PCDHA2: variants seen among roughly 807,000 people sequenced by gnomAD.
The protein encoded by PCDHA2 is protocadherin alpha-2.
Under a neutral mutation model 66.0 loss-of-function variants are expected in PCDHA2, and 58 were observed. That is an observed-to-expected ratio of 0.88 (90% CI 0.71 to 1.09). The LOEUF (loss-of-function observed/expected upper bound fraction) is 1.09, where lower values mean the gene tolerates loss of function less well. Among genes scored for constraint, PCDHA2 ranks in the 50% least tolerant of loss-of-function variants. The pLI is 0.00. For synonymous variants in PCDHA2, 634 were observed against 554.0 expected (o/e 1.14, Z -2.03); for missense variants, 1,267 against 1,242.3 (o/e 1.02, Z -0.30).
chr5:140,856,611 A>T (rs782801357), intron 1 of PCDHA2: 2 of 1,598,100 alleles, frequency 1.3e-6, no homozygotes, highest in Non-Finnish European at 1.7e-6. Context: ...AAAGACAAAG[A>T]CAAATTCCCA....
intron 1 of PCDHA2, chr5:140,842,893 C>T: frequency 6.3e-7 from 1 of 1,594,312 alleles, no homozygotes; most frequent in Non-Finnish European, 8.6e-7. Context: ...AGCCGCTGGA[C>T]CACGAGGAGC....
chr5:140,965,648 GA>G (rs2095919572), intron 1 of PCDHA2, among the ~76,000 whole-genome samples: 1 of 152,128 alleles, frequency 6.6e-6, no homozygotes, highest in Non-Finnish European at 1.5e-5. Context: ...ACTCTTGAAA[GA>G]AAATGTCTTG....
intron 1 of PCDHA2, chr5:140,857,917 G>A: frequency 6.3e-7 from 1 of 1,597,868 alleles, no homozygotes; most frequent in South Asian, 1.1e-5. Context: ...CGTTTCGCGT[G>A]GGGCTGTACA....
Position 140,884,327 on chromosome 5 carries a change from G to T in PCDHA2, c.2388+86975G>T, listed in dbSNP as rs1400364790. The T allele has an allele frequency of 5.6e-6, 9 of 1,613,894 alleles. No individual in the cohort carries two copies. In the African/African-American group the frequency reaches 9.3e-5, roughly 17 times the overall value. Reference sequence around the variant, plus strand: ...TTCGTCGAGGGCGTCGGCAGGCGCTGTGGGTCCAGAAGCGGCGCTGGTGGA... The same window carrying T: ...TTCGTCGAGGGCGTCGGCAGGCGCTTTGGGTCCAGAAGCGGCGCTGGTGGA... On this transcript the variant is annotated intron_variant, in intron 1 of 3. Coordinates refer to ENST00000526136, the MANE Select transcript of PCDHA2 (RefSeq NM_018905.3).
chr5:140,875,356 G>C (rs2055432006), intron 1 of PCDHA2: 5 of 1,446,352 alleles, frequency 3.5e-6, no homozygotes, highest in Admixed American at 5.7e-5. Context: ...TGACTGTGAT[G>C]CTGGAAAAAA....
intron 1 of PCDHA2, among the ~76,000 whole-genome samples, chr5:140,935,606 T>C (rs531169810): frequency 6.6e-6 from 1 of 152,352 alleles, no homozygotes; most frequent in East Asian, 1.9e-4. Flanking sequence ...GAGCTAGGCT[T>C]TTTTCAAGTC....
chr5:140,823,864 G>A (rs1317473064), intron 1 of PCDHA2: 3 of 1,613,884 alleles, frequency 1.9e-6, no homozygotes, highest in African/African-American at 1.3e-5. Flanking sequence ...GGATGTCAAC[G>A]TGTACCTGAT....
intron 1 of PCDHA2, among the ~76,000 whole-genome samples, chr5:140,976,227 T>C (rs2096706900): frequency 6.6e-6 from 1 of 152,050 alleles, no homozygotes; most frequent in East Asian, 1.9e-4. Context: ...AGAAGAAAAA[T>C]ATATGTCATT....
chr5:140,869,274 G>A, intron 1 of PCDHA2: 1 of 1,613,594 alleles, frequency 6.2e-7, no homozygotes. Context: ...TGGAGCTGGC[G>A]GAGCTGGTGC....
At chr5:140,821,837 C>T (rs1554128249) in intron 1 of PCDHA2, 3 of 1,614,154 alleles carry the variant, frequency 1.9e-6, no homozygotes, top group Non-Finnish European at 2.5e-6. Flanking sequence ...CTTCTCCTTG[C>T]CTACTGGAAG....
intron 2 of PCDHA2, chr5:140,982,229 A>C (rs2096972091): frequency 3.2e-6 from 2 of 616,470 alleles, no homozygotes. Context: ...TTAATAAAAA[A>C]CAGAATTGCC....
chr5:140,823,039 C>T lies in PCDHA2; in HGVS notation c.2388+25687C>T, dbSNP rs2150121601. On this transcript the variant is annotated intron_variant, in intron 1 of 3. Coordinates refer to ENST00000526136, the MANE Select transcript of PCDHA2 (RefSeq NM_018905.3). ...CCGCGAGAGCGTGTCGGTCTATGAGCTGGTGGTGACCGCGCGGGACGGGGG... is the reference window on the plus strand; with the variant it reads ...CCGCGAGAGCGTGTCGGTCTATGAGTTGGTGGTGACCGCGCGGGACGGGGG... 14 of 1,614,092 alleles carry T rather than the reference C, an allele frequency of 8.7e-6. 1 individual carries two copies. The South Asian group carries it at 1.1e-4, about 13-fold the overall frequency.
At chr5:140,939,712 C>T (rs1019626550) in intron 1 of PCDHA2, among the ~76,000 whole-genome samples, 2 of 152,256 alleles carry the variant, frequency 1.3e-5, no homozygotes, top group East Asian at 1.9e-4. Context: ...TTGTGAGATA[C>T]ATTTATATTG....
In PCDHA2 at chr5:140,967,001, A is replaced by T. The variant is rs1048933252; in HGVS notation, c.2389-11948A>T. The T allele has an allele frequency of 3.1e-6, 5 of 1,605,060 alleles. No homozygotes were observed. The South Asian group carries it at 5.5e-5, about 18-fold the overall frequency. The stretch of plus-strand genomic sequence containing the variant: ...GCGCTTGGGGCCGGGTTGCTTGCGC[A>T]TCAACCATCTGGGTGCGCCCAGTCC... On this transcript the variant is annotated intron_variant, in intron 1 of 3. Transcript: ENST00000526136.
chr5:140,877,331 T>A (rs2057038565), intron 1 of PCDHA2: 15 of 1,613,962 alleles, frequency 9.3e-6, no homozygotes, highest in Non-Finnish European at 1.3e-5. Context: ...GGCGCGCACA[T>A]CCCGTTCCAC....
chr5:140,927,637 G>A lies in PCDHA2; in HGVS notation c.2389-51312G>A, dbSNP rs1554204838. Reference sequence around the variant, plus strand: ...CAAGGTTCCAGAGACTGCACCCAATGGGACTGTGTTATTCCGAGTTCAAGC... The same window carrying A: ...CAAGGTTCCAGAGACTGCACCCAATAGGACTGTGTTATTCCGAGTTCAAGC... On this transcript the variant is annotated intron_variant, in intron 1 of 3. Coordinates refer to ENST00000526136, the MANE Select transcript of PCDHA2 (RefSeq NM_018905.3). 3.7e-6 allele frequency: 6 copies of A among 1,614,176 alleles called. 1 individual carries two copies. In the Middle Eastern group the frequency reaches 9.9e-4, roughly 266 times the overall value.
At chr5:140,833,562 T>A (rs1298635340) in intron 1 of PCDHA2, among the ~76,000 whole-genome samples, 1 of 152,132 alleles carries the variant, frequency 6.6e-6, no homozygotes, top group African/African-American at 2.4e-5. Context: ...GAAACAAATA[T>A]AAAATGATGA....
intron 1 of PCDHA2, among the ~76,000 whole-genome samples, chr5:140,885,350 G>C (rs1050079674): frequency 6.6e-6 from 1 of 152,108 alleles, no homozygotes; most frequent in African/African-American, 2.4e-5. Context: ...ATTTCCAAAA[G>C]GTACTGGTGA....
chr5:140,842,064 A>G lies in PCDHA2; in HGVS notation c.2388+44712A>G, dbSNP rs200994582. 183 of 1,613,874 alleles carry G rather than the reference A, an allele frequency of 1.1e-4. 1 individual carries two copies. The highest frequency in any genetic ancestry group is 6.6e-4 in the Middle Eastern group (4 of 6,062). On this transcript the variant is annotated intron_variant, in intron 1 of 3. Coordinates refer to ENST00000526136, the MANE Select transcript of PCDHA2 (RefSeq NM_018905.3). The stretch of plus-strand genomic sequence containing the variant: ...CCCACTTTCGAACAGTCTGAATACG[A>G]AGTAAGAATATTCGAAAACGCAGAC...
Sources: allele counts gnomAD v4.1 joint callset (sites outside exome capture counted in the v4.1 genomes callset), GRCh38; gene constraint gnomAD v4.1.1; transcripts MANE v1.5; gene names NCBI Gene and HGNC (gene_info 2026-07-23, HGNC 2026-07-21).